Variants in RFX3 observed in about 807,000 individuals in gnomAD.
The protein encoded by RFX3 is transcription factor RFX3.
Under a neutral mutation model 98.6 loss-of-function variants are expected in RFX3, and 14 were observed. That is an observed-to-expected ratio of 0.14 (90% confidence interval 0.09 to 0.22). The LOEUF is 0.22. RFX3 is among the 10% of genes least tolerant of loss of function. The pLI is 1.00. For missense variants in RFX3, 639 were observed against 926.9 expected (o/e 0.69, Z 4.03); for synonymous variants, 383 against 328.4 (o/e 1.17, Z -1.80).
intron 2 of RFX3, among the ~76,000 whole-genome samples, chr9:3,377,263 C>T (rs1838648384): frequency 6.6e-6 from 1 of 152,112 alleles, no homozygotes; most frequent in Non-Finnish European, 1.5e-5. Flanking sequence ...ACCATGCAGC[C>T]ATAAAAAAGG....
chr9:3,493,944 C>G (rs535039829), intron 1 of RFX3, among the ~76,000 whole-genome samples: 12 of 152,020 alleles, frequency 7.9e-5, no homozygotes, highest in African/African-American at 2.9e-4. Context: ...CCATGTCCTG[C>G]TTTACCTCAT....
chr9:3,462,591 T>C (rs1020586890), intron 1 of RFX3, among the ~76,000 whole-genome samples: 5 of 152,024 alleles, frequency 3.3e-5, no homozygotes, highest in African/African-American at 1.2e-4. Flanking sequence ...AAAGAAGTAG[T>C]AAAAACTGCC....
chr9:3,447,462 A>G (rs1054927140), intron 1 of RFX3, among the ~76,000 whole-genome samples: 1 of 152,198 alleles, frequency 6.6e-6, no homozygotes, highest in African/African-American at 2.4e-5. Context: ...TAAACAAAAG[A>G]AGACTATTTC....
intron 1 of RFX3, chr9:3,469,224 ATT>A: frequency 2.2e-6 from 1 of 455,166 alleles, no homozygotes; most frequent in Non-Finnish European, 4.4e-6. Context: ...TGCATACTGA[ATT>A]TGTGTTCAAT....
At chr9:3,287,866 G>A (rs529467538) in intron 7 of RFX3, among the ~76,000 whole-genome samples, 1 of 152,010 alleles carries the variant, frequency 6.6e-6, no homozygotes, top group East Asian at 1.9e-4. Context: ...TGCTCCTTAT[G>A]TTTTGTGTTT....
At chr9:3,243,618 G>C (rs1162350053) in intron 15 of RFX3, among the ~76,000 whole-genome samples, 1 of 152,156 alleles carries the variant, frequency 6.6e-6, no homozygotes, top group African/African-American at 2.4e-5. Context: ...AATAATGTAA[G>C]TAATGTTAAT....
chr9:3,383,074 G>GA (rs1157283275), intron 2 of RFX3, among the ~76,000 whole-genome samples: 1 of 151,976 alleles, frequency 6.6e-6, no homozygotes, highest in Non-Finnish European at 1.5e-5. Context: ...CAGATTCCTA[G>GA]AAAAATTGCA....
At chr9:3,447,746 T>A (rs1008408316) in intron 1 of RFX3, among the ~76,000 whole-genome samples, 27 of 152,170 alleles carry the variant, frequency 1.8e-4, no homozygotes, top group African/African-American at 6.3e-4. Context: ...CATGCATGAA[T>A]TAAGTAAGAA....
intron 11 of RFX3, 78 bp from the exon 12 acceptor site, chr9:3,266,383 G>A (rs958038906): frequency 1.7e-5 from 15 of 865,242 alleles, no homozygotes; most frequent in African/African-American, 1.2e-4. Flanking sequence ...AAAAGAAAAT[G>A]CTCGTACACA....
At chr9:3,504,861 TAATA>T (rs1461998142) in intron 1 of RFX3, among the ~76,000 whole-genome samples, 10 of 77,498 alleles carry the variant, frequency 1.3e-4, no homozygotes, top group Non-Finnish European at 1.8e-4. Flanking sequence ...ATATATGATA[TAATA>T]TATATTATAT....
intron 1 of RFX3, among the ~76,000 whole-genome samples, chr9:3,482,375 A>C (rs563764887): frequency 9.9e-5 from 15 of 152,248 alleles, no homozygotes; most frequent in African/African-American, 3.4e-4. Context: ...AAGACATGAC[A>C]ATAATGCTCA....
intron 1 of RFX3, among the ~76,000 whole-genome samples, chr9:3,485,012 T>C (rs1318241022): frequency 6.6e-6 from 1 of 151,316 alleles, no homozygotes; most frequent in African/African-American, 2.4e-5. Context: ...GGCAGGAGGC[T>C]GAAGCGGGAA....
intron 1 of RFX3, among the ~76,000 whole-genome samples, chr9:3,467,963 T>C (rs1257725472): frequency 2.0e-5 from 3 of 152,182 alleles, no homozygotes; most frequent in Non-Finnish European, 2.9e-5. Context: ...GTATGTGTCA[T>C]GGGAACAAAA....
intron 4 of RFX3, among the ~76,000 whole-genome samples, chr9:3,320,756 C>G (rs1382570216): frequency 8.7e-6 from 1 of 115,092 alleles, no homozygotes; most frequent in Non-Finnish European, 1.7e-5. Context: ...ACATATAATG[C>G]ATGCTACATA....
intron 1 of RFX3, among the ~76,000 whole-genome samples, chr9:3,424,001 G>T (rs1056571312): frequency 1.3e-5 from 2 of 151,532 alleles, no homozygotes; most frequent in African/African-American, 2.4e-5. Flanking sequence ...CAAAAAATTA[G>T]CCGGGCGTGG....
intron 14 of RFX3, among the ~76,000 whole-genome samples, chr9:3,253,861 TTC>T (rs945040147): frequency 1.3e-5 from 2 of 152,202 alleles, no homozygotes; most frequent in Non-Finnish European, 2.9e-5. Flanking sequence ...CTAATTCTGC[TTC>T]TCTGATAGTT....
Position 3,330,457 on chromosome 9 carries a change from A to G in RFX3, c.276T>C (p.Asn92=), listed in dbSNP as rs751991671. The change falls in exon 4 of 17, where the codon AAT becomes AAC. Residue 92 remains asparagine (N), a synonymous_variant. Transcript: ENST00000617270. The part of the protein sequence containing the change: ...TQMYSQNTGG[N]YFDTQGSSAQ... ...CGGAACTCCCTTGAGTATCAAAGTA[A>G]TTCCCTCCAGTATTTTGGCTGTACA... 7.4e-6 allele frequency: 12 copies of G among 1,613,882 alleles called. No individual in the cohort carries two copies. The South Asian group carries it at 1.3e-4, about 18-fold the overall frequency.
intron 2 of RFX3, among the ~76,000 whole-genome samples, chr9:3,393,593 C>T (rs1422073665): frequency 2.0e-5 from 3 of 147,128 alleles, no homozygotes; most frequent in African/African-American, 5.3e-5. Context: ...TTGTTCTTTA[C>T]TTGCTCTTCA....
At chr9:3,246,607 G>C (rs1820711743) in intron 15 of RFX3, among the ~76,000 whole-genome samples, 1 of 152,178 alleles carries the variant, frequency 6.6e-6, no homozygotes, top group Non-Finnish European at 1.5e-5. Flanking sequence ...CTGAAGTCTT[G>C]AACCCTGAGT....
Sources: allele counts gnomAD v4.1 joint callset (sites outside exome capture counted in the v4.1 genomes callset), GRCh38; gene constraint gnomAD v4.1.1; transcripts MANE v1.5; gene names NCBI Gene and HGNC (gene_info 2026-07-23, HGNC 2026-07-21).